The following CPEB3 variants were observed in gnomAD, a reference collection of about 807,000 sequenced individuals.
CPEB3 encodes cytoplasmic polyadenylation element binding protein 3.
Under a neutral mutation model 67.2 loss-of-function variants are expected in CPEB3, and 20 were observed. That is an observed-to-expected ratio of 0.30 (90% CI 0.21 to 0.43). The LOEUF (loss-of-function observed/expected upper bound fraction) is 0.43, where lower values mean the gene tolerates loss of function less well. Among genes scored for constraint, CPEB3 ranks in the 20% least tolerant of loss-of-function variants. The pLI is 1.00. For synonymous variants in CPEB3, 376 were observed against 393.1 expected, an observed-to-expected ratio of 0.96 and a Z score of 0.51; for missense variants, 746 against 968.6, an observed-to-expected ratio of 0.77 and a Z score of 3.05.
At chr10:92,183,853 A>G (rs1848568750) in intron 3 of CPEB3, among the ~76,000 whole-genome samples, 1 of 152,216 alleles carries the variant, frequency 6.6e-6, no homozygotes, top group Non-Finnish European at 1.5e-5. Flanking sequence ...GCTGATCCTT[A>G]TTTGACTTCT....
At chr10:92,233,319 A>G (rs1851363229) in intron 2 of CPEB3, among the ~76,000 whole-genome samples, 1 of 152,114 alleles carries the variant, frequency 6.6e-6, no homozygotes, top group South Asian at 2.1e-4. Flanking sequence ...ACTCGAGGTC[A>G]GGAGTTCAAA....
At chr10:92,056,599 C>T (rs943957559) in intron 9 of CPEB3, among the ~76,000 whole-genome samples, 2 of 152,180 alleles carry the variant, frequency 1.3e-5, no homozygotes, top group Non-Finnish European at 2.9e-5. Context: ...CCCCAAACCT[C>T]GCCACTGTGG....
intron 2 of CPEB3, among the ~76,000 whole-genome samples, chr10:92,225,953 C>T (rs1007753038): frequency 6.6e-6 from 1 of 152,096 alleles, no homozygotes; most frequent in African/African-American, 2.4e-5. Context: ...AAAAATTAGC[C>T]GGGCGTGGTG....
chr10:92,070,826 A>G (rs1842722480), intron 9 of CPEB3, among the ~76,000 whole-genome samples: 1 of 148,794 alleles, frequency 6.7e-6, no homozygotes, highest in Non-Finnish European at 1.5e-5. Context: ...AAAAACTCAT[A>G]TATAAGCTTC....
chr10:92,199,519 C>T (rs1033168581), intron 2 of CPEB3, among the ~76,000 whole-genome samples: 9 of 151,426 alleles, frequency 5.9e-5, no homozygotes, highest in East Asian at 5.8e-4. Context: ...GGTGAAACCC[C>T]GTCTATACTA....
At chr10:92,193,376 T>C (rs984822943) in intron 2 of CPEB3, among the ~76,000 whole-genome samples, 2 of 152,158 alleles carry the variant, frequency 1.3e-5, no homozygotes, top group African/African-American at 4.8e-5. Context: ...GTCAAGTTAA[T>C]TGGTTTTGCT....
At chr10:92,206,060 T>A (rs182462339) in intron 2 of CPEB3, among the ~76,000 whole-genome samples, 2 of 151,676 alleles carry the variant, frequency 1.3e-5, no homozygotes, top group Admixed American at 1.3e-4. Context: ...TGTCATAAAG[T>A]CAAGTCCAGT....
chr10:92,173,004 C>G (rs1204722914), intron 4 of CPEB3, among the ~76,000 whole-genome samples: 1 of 152,194 alleles, frequency 6.6e-6, no homozygotes, highest in Non-Finnish European at 1.5e-5. Context: ...TTCACAGTCA[C>G]ACTGAGATGT....
At chr10:92,172,280 G>GA (rs1402473067) in intron 4 of CPEB3, among the ~76,000 whole-genome samples, 3 of 152,108 alleles carry the variant, frequency 2.0e-5, no homozygotes, top group African/African-American at 2.4e-5. Flanking sequence ...ATATTCAGCT[G>GA]AAAAAACAAG....
chr10:92,127,353 T>A (rs918616262), intron 6 of CPEB3, among the ~76,000 whole-genome samples: 1 of 152,090 alleles, frequency 6.6e-6, no homozygotes, highest in South Asian at 2.1e-4. Flanking sequence ...ATTTGAGCAG[T>A]GTCTAAGTGA....
At chr10:92,068,928 C>T (rs530793294) in intron 9 of CPEB3, among the ~76,000 whole-genome samples, 2 of 152,222 alleles carry the variant, frequency 1.3e-5, no homozygotes, top group Non-Finnish European at 1.5e-5. Flanking sequence ...GTGTTGTTTC[C>T]TCTAGGGTCA....
chr10:92,112,978 A>G (rs1844826381), intron 6 of CPEB3, among the ~76,000 whole-genome samples: 1 of 152,256 alleles, frequency 6.6e-6, no homozygotes, highest in South Asian at 2.1e-4. Flanking sequence ...GGCAATGGAT[A>G]ATGGCTATTC....
chr10:92,279,172 A>AT (rs776080028), intron 1 of CPEB3, among the ~76,000 whole-genome samples: 1 of 152,110 alleles, frequency 6.6e-6, no homozygotes, highest in Non-Finnish European at 1.5e-5. Flanking sequence ...TTGGCTACAG[A>AT]TTTTTTTGTA....
intron 1 of CPEB3, among the ~76,000 whole-genome samples, chr10:92,266,832 G>C (rs1165960300): frequency 6.6e-6 from 1 of 152,002 alleles, no homozygotes; most frequent in Non-Finnish European, 1.5e-5. Flanking sequence ...TCAGGAGTTC[G>C]AGACGAGCCT....
chr10:92,090,938 A>G (rs1306281361), intron 8 of CPEB3, among the ~76,000 whole-genome samples: 3 of 152,242 alleles, frequency 2.0e-5, no homozygotes. Context: ...CTTCAAAATG[A>G]AATTATGAGT....
chr10:92,240,430 G>A (rs1851792477), intron 1 of CPEB3, 69 bp from the exon 2 acceptor site: 2 of 1,374,992 alleles, frequency 1.5e-6, no homozygotes, highest in African/African-American at 1.5e-5. Flanking sequence ...TGAAGCGGGC[G>A]GGTGTTTCAC....
intron 2 of CPEB3, among the ~76,000 whole-genome samples, chr10:92,232,055 T>G (rs1851295427): frequency 7.3e-6 from 1 of 137,040 alleles, no homozygotes; most frequent in African/African-American, 3.0e-5. Flanking sequence ...AAAGCATAAT[T>G]TTTTTTTTTT....
In CPEB3 at chr10:92,240,274, GGCT is replaced by G. The variant is rs757238722; in HGVS notation, c.74_76del (p.Gln25del). On this transcript the variant is annotated inframe_deletion, in exon 2 of 10. Transcript: ENST00000265997. The stretch of plus-strand genomic sequence containing the variant: ...TTCGGATACGCTGGACTCAGGTTGG[GGCT>G]GCTGCTGCTGCCGCTGCTGCTGCTG... The G allele has an allele frequency of 1.3e-5, 20 of 1,518,288 alleles. No individual in the cohort carries two copies. Among genetic ancestry groups the G allele is most frequent in the South Asian group, 3.8e-5 (3 of 78,594 alleles). The allele number at this position is 1,518,288 out of a possible 1,614,324, so 94.1% of individuals were successfully genotyped here.
intron 9 of CPEB3, among the ~76,000 whole-genome samples, chr10:92,063,120 A>G (rs1842419420): frequency 1.3e-5 from 2 of 152,256 alleles, no homozygotes; most frequent in South Asian, 4.1e-4. Flanking sequence ...ACAAAGAGAA[A>G]GCCATACTTT....
Sources: allele counts gnomAD v4.1 joint callset (sites outside exome capture counted in the v4.1 genomes callset), GRCh38; gene constraint gnomAD v4.1.1; transcripts MANE v1.5; gene names NCBI Gene and HGNC (gene_info 2026-07-23, HGNC 2026-07-21).